The following BCKDHA variants were observed in gnomAD, a reference collection of about 807,000 sequenced individuals.
BCKDHA encodes the protein branched chain keto acid dehydrogenase E1 subunit alpha.
BCKDHA carries 43 observed loss-of-function variants against 52.2 expected under a neutral mutation model. The observed-to-expected ratio is 0.82, with a 90% CI of 0.64 to 1.06. BCKDHA has a LOEUF of 1.06. BCKDHA is among the 50% of genes least tolerant of loss of function. BCKDHA has a pLI of 0.00. For synonymous variants in BCKDHA, 234 were observed against 247.9 expected, an observed-to-expected ratio of 0.94 and a Z score of 0.53; for missense variants, 527 against 621.3, an observed-to-expected ratio of 0.85 and a Z score of 1.61.
chr19:41,424,347 A>T (rs929961430), intron 8 of BCKDHA, 91 bp from the exon 9 acceptor site: 93 of 1,405,144 alleles, frequency 6.6e-5, no homozygotes, highest in Non-Finnish European at 8.8e-5. Flanking sequence ...AAAGGCTTGG[A>T]GTGGTTAATT....
chr19:41,423,193 G>A, intron 8 of BCKDHA, 24 bp downstream of exon 8: 3 of 1,549,802 alleles, frequency 1.9e-6, no homozygotes, highest in Non-Finnish European at 2.6e-6. Flanking sequence ...GCCCGGGAGG[G>A]TGTGCTGGGG....
chr19:41,423,282 T>C (rs911250790), intron 8 of BCKDHA, 113 bp downstream of exon 8: 2 of 1,492,388 alleles, frequency 1.3e-6, no homozygotes, highest in Non-Finnish European at 1.8e-6. Flanking sequence ...CAGTGATGTC[T>C]CAGATGTGGC....
intron 4 of BCKDHA, among the ~76,000 whole-genome samples, chr19:41,418,405 G>A (rs575616702): frequency 3.9e-5 from 6 of 152,314 alleles, no homozygotes; most frequent in African/African-American, 1.4e-4. Flanking sequence ...TCCCTTTGAT[G>A]GGGAGGTGGG....
chr19:41,423,167 A>G lies in BCKDHA; in HGVS notation c.1165A>G (p.Lys389Glu), dbSNP rs1421631907. ...EKAWRKQSRR[K>E]VMEAFEQAER... is the part of the protein sequence containing the mutation. ...GGCCTGGAGGAAGCAGTCCCGCAGGAAGGTGAGGGTGCCCCGCCCGGGAGG... is the reference window on the plus strand; with the variant it reads ...GGCCTGGAGGAAGCAGTCCCGCAGGGAGGTGAGGGTGCCCCGCCCGGGAGG... Residue 389 changes from lysine to glutamate, a missense_variant and splice_region_variant, in exon 8 of 9, where the codon AAG (lysine) becomes GAG (glutamate). Transcript: ENST00000269980. 6.4e-7 allele frequency: 1 copy of G among 1,553,028 alleles called. No individual in the cohort carries two copies.
intron 1 of BCKDHA, among the ~76,000 whole-genome samples, chr19:41,406,234 T>A (rs997731711): frequency 2.0e-5 from 3 of 152,116 alleles, no homozygotes; most frequent in Non-Finnish European, 2.9e-5. Context: ...CTGTCCAGCC[T>A]CTAGAGGCTG....
intron 5 of BCKDHA, among the ~76,000 whole-genome samples, chr19:41,420,387 A>G (rs1020170231): frequency 1.4e-5 from 2 of 145,212 alleles, no homozygotes; most frequent in African/African-American, 5.7e-5. Flanking sequence ...GTGAATGGGA[A>G]AAAAAAAAGT....
In BCKDHA at chr19:41,424,675, AG is replaced by A; in HGVS notation, c.*72del. On this transcript the variant is annotated 3_prime_UTR_variant, in exon 9 of 9. Coordinates refer to ENST00000269980, the MANE Select transcript of BCKDHA (RefSeq NM_000709.4). ...GAGGTAGCCCCACTCTAAGGGGAGC[AG>A]GGGGACCTGACAGCACACCACTGTC... 1 of 1,506,918 alleles carries A rather than the reference AG, an allele frequency of 6.6e-7. No individual in the cohort carries two copies. 93.3% of individuals were successfully genotyped at this position (1,506,918 alleles called of 1,614,324 possible). A position where few individuals can be genotyped will look rare whatever the true frequency, so the allele number is the denominator to read the frequency against.
Position 41,416,670 on chromosome 19 carries a change from A to G in BCKDHA, c.485-2465A>G, listed in dbSNP as rs555105504. On this transcript the variant is annotated intron_variant, in intron 4 of 8. Coordinates refer to ENST00000269980, the MANE Select transcript of BCKDHA (RefSeq NM_000709.4). ...TGTGGTGGCTCACGCCTGTAATCCC[A>G]GCACTTCGGGAGGCTGAGGCGGGAG... 1.2e-4 allele frequency among the ~76,000 whole-genome samples: 19 copies of G among 152,296 alleles called. No homozygotes were observed. The South Asian group carries it at 3.9e-3, about 32-fold the overall frequency.
At chr19:41,419,746 C>CTTTTTTT (rs201343587) in intron 5 of BCKDHA, among the ~76,000 whole-genome samples, 4 of 127,950 alleles carry the variant, frequency 3.1e-5, no homozygotes, top group South Asian at 5.3e-4. Flanking sequence ...GCCCAGCCCA[C>CTTTTTTT]TTTTTTTTTT....
intron 5 of BCKDHA, 91 bp downstream of exon 5, chr19:41,419,387 A>T (rs1204371900): frequency 6.0e-6 from 9 of 1,490,090 alleles, no homozygotes; most frequent in Admixed American, 3.9e-5. Context: ...TTCTGGGTGG[A>T]ATTCTGGGTT....
At position 41,422,200 on chromosome 19, in the gene BCKDHA, C is replaced by G. The variant is rs760834420; in HGVS notation, c.683C>G (p.Ala228Gly). 4.3e-6 allele frequency: 7 copies of G among 1,614,004 alleles called. No individual in the cohort carries two copies. Among genetic ancestry groups the G allele is most frequent in the Admixed American group, 1.7e-5 (1 of 60,000 alleles). ...GCGTACGCAGCCAAGCGGGCCAATG[C>G]CAACAGGGTCGTCATCTGTTACTTC... ...GAAYAAKRAN[A>G]NRVVICYFGE... The change falls in exon 6 of 9, where the codon GCC becomes GGC. Residue 228 changes from alanine (A) to glycine (G), a missense_variant. Coordinates refer to ENST00000269980, the MANE Select transcript of BCKDHA (RefSeq NM_000709.4).
chr19:41,423,101 T>C lies in BCKDHA; in HGVS notation c.1099T>C (p.Tyr367His). The change falls in exon 8 of 9, where the codon TAT (tyrosine) becomes CAT (histidine). Residue 367 changes from tyrosine to histidine, a missense_variant. By Grantham distance (83) the Tyr-to-His change is moderately conservative (BLOSUM62 2). Transcript: ENST00000269980. ...CCACCCCATCTCCCGGCTGCGGCAC[T>C]ATCTGCTGAGCCAAGGCTGGTGGGA... The part of the protein sequence containing the change: ...QDHPISRLRH[Y>H]LLSQGWWDEE... 6.4e-7 allele frequency: 1 copy of C among 1,568,750 alleles called. No homozygotes were observed. Among genetic ancestry groups the C allele is most frequent in the Non-Finnish European group, 8.6e-7 (1 of 1,156,590 alleles).
In BCKDHA at chr19:41,424,583, A is replaced by G; in HGVS notation, c.1313A>G (p.Tyr438Cys). The G allele has an allele frequency of 6.2e-7, 1 of 1,611,518 alleles. No homozygotes were observed. The highest frequency in any genetic ancestry group is 1.1e-5 in the South Asian group (1 of 90,906). ...CACCTGCAGACCTACGGGGAGCACT[A>G]CCCACTGGATCACTTCGATAAGTGA... ...ARHLQTYGEH[Y>C]PLDHFDK Residue 438 changes from tyrosine (Y) to cysteine (C), a missense_variant, in exon 9 of 9, where the codon TAC becomes TGC. Transcript: ENST00000269980.
chr19:41,409,821 T>C, intron 1 of BCKDHA, among the ~76,000 whole-genome samples: 2 of 139,300 alleles, frequency 1.4e-5, no homozygotes, highest in South Asian at 4.4e-4. Flanking sequence ...TTTTTTTTTT[T>C]GAGATGGAGT....
intron 4 of BCKDHA, 84 bp from the exon 5 acceptor site, chr19:41,419,051 G>C: frequency 6.6e-7 from 1 of 1,523,048 alleles, no homozygotes; most frequent in Non-Finnish European, 9.1e-7. Context: ...CTGTCTGCCT[G>C]CCAGCATGCT....
chr19:41,409,023 T>C (rs974978459), intron 1 of BCKDHA, among the ~76,000 whole-genome samples: 1 of 152,090 alleles, frequency 6.6e-6, no homozygotes, highest in Non-Finnish European at 1.5e-5. Context: ...AATCTGGGCT[T>C]ATTGCAACCT....
chr19:41,420,435 C>A (rs2039352047), intron 5 of BCKDHA, among the ~76,000 whole-genome samples: 1 of 152,102 alleles, frequency 6.6e-6, no homozygotes, highest in South Asian at 2.1e-4. Flanking sequence ...CCTGTCCCTA[C>A]TAAACATACA....
chr19:41,423,843 AT>A (rs1426039744), intron 8 of BCKDHA, among the ~76,000 whole-genome samples: 6 of 151,414 alleles, frequency 4.0e-5, no homozygotes, highest in South Asian at 2.1e-4. Context: ...AAAAAAAAAA[AT>A]TAGCCAGGCG....
intron 4 of BCKDHA, among the ~76,000 whole-genome samples, chr19:41,418,091 CAAAAAAAA>C (rs66838098): frequency 1.4e-5 from 1 of 72,012 alleles, no homozygotes; most frequent in Admixed American, 1.7e-4. Context: ...GACTCTGTCT[CAAAAAAAA>C]AAAAAAAAAA....
Sources: allele counts gnomAD v4.1 joint callset (sites outside exome capture counted in the v4.1 genomes callset), GRCh38; gene constraint gnomAD v4.1.1; transcripts MANE v1.5; gene names NCBI Gene and HGNC (gene_info 2026-07-23, HGNC 2026-07-21).